The following LRRTM4 variants were observed in gnomAD, a reference collection of about 807,000 sequenced individuals.
LRRTM4 encodes the protein leucine rich repeat transmembrane neuronal 4, also known as leucine-rich repeat transmembrane neuronal protein 4.
Under a neutral mutation model 47.6 loss-of-function variants are expected in LRRTM4, and 25 were observed. The ratio of observed to expected loss-of-function variants is 0.53; its 90% CI spans 0.38 to 0.73. The LOEUF (loss-of-function observed/expected upper bound fraction) is 0.73, where lower values mean the gene tolerates loss of function less well. LRRTM4 is among the 30% of genes least tolerant of loss of function. The probability of loss-of-function intolerance (pLI) is 0.00; values close to 1 mark genes in which losing one functional copy is unlikely to be tolerated. For missense variants in LRRTM4, 638 were observed against 713.4 expected (o/e 0.89, Z 1.20); for synonymous variants, 311 against 269.5 (o/e 1.15, Z -1.51).
intron 3 of LRRTM4, among the ~76,000 whole-genome samples, chr2:76,983,015 C>G (rs1385136468): frequency 6.6e-6 from 1 of 151,872 alleles, no homozygotes; most frequent in Non-Finnish European, 1.5e-5. Context: ...GCTCACATAT[C>G]AAATTAAATA....
chr2:77,053,442 C>T (rs907772583), intron 3 of LRRTM4, among the ~76,000 whole-genome samples: 2 of 151,982 alleles, frequency 1.3e-5, no homozygotes, highest in African/African-American at 4.8e-5. Context: ...CTAATAATAA[C>T]AGATCTGTGG....
chr2:77,194,737 G>A (rs1673765485), intron 3 of LRRTM4, among the ~76,000 whole-genome samples: 1 of 152,022 alleles, frequency 6.6e-6, no homozygotes, highest in African/African-American at 2.4e-5. Flanking sequence ...ATGGGTAACA[G>A]GACCTGGGTA....
intron 3 of LRRTM4, among the ~76,000 whole-genome samples, chr2:77,411,548 G>T (rs1489109807): frequency 6.8e-6 from 1 of 146,434 alleles, no homozygotes; most frequent in African/African-American, 2.5e-5. Context: ...CGCCTCCCGG[G>T]TTCACGCCAT....
At chr2:77,080,387 C>G (rs6547120) in intron 3 of LRRTM4, among the ~76,000 whole-genome samples, 2 of 152,280 alleles carry the variant, frequency 1.3e-5, no homozygotes, top group African/African-American at 4.8e-5. Flanking sequence ...CATCCCATAT[C>G]CGACTGAAGT....
At position 77,329,434 on chromosome 2, in the gene LRRTM4, A is replaced by G. The variant is rs190259947; in HGVS notation, c.1551+188884T>C. Among the ~76,000 whole-genome samples the G allele has an allele frequency of 2.6e-3, 401 of 152,292 alleles. 2 individuals are homozygous for G. Among genetic ancestry groups the G allele is most frequent in the African/African-American group, 8.9e-3 (372 of 41,568 alleles). ...AAGAATACTACCATGAACACGTTGG[A>G]AACAAAATCTTATCCTCAAGGAGTT... On this transcript the variant is annotated intron_variant, in intron 3 of 3. Coordinates refer to ENST00000409884, the MANE Select transcript of LRRTM4 (RefSeq NM_001134745.3).
At chr2:76,822,825 C>A (rs1455056817) in intron 3 of LRRTM4, among the ~76,000 whole-genome samples, 3 of 151,346 alleles carry the variant, frequency 2.0e-5, no homozygotes, top group East Asian at 3.9e-4. Flanking sequence ...TTATTACATA[C>A]CTGCCCATTG....
chr2:77,167,368 T>G (rs1020917562), intron 3 of LRRTM4, among the ~76,000 whole-genome samples: 1 of 152,186 alleles, frequency 6.6e-6, no homozygotes, highest in African/African-American at 2.4e-5. Context: ...TGTAAACTAG[T>G]TCAACCATTG....
At chr2:77,151,355 A>G (rs1238456385) in intron 3 of LRRTM4, among the ~76,000 whole-genome samples, 2 of 152,122 alleles carry the variant, frequency 1.3e-5, no homozygotes, top group African/African-American at 4.8e-5. Context: ...GGCAACCCCT[A>G]TTGTATTTAC....
intron 3 of LRRTM4, among the ~76,000 whole-genome samples, chr2:77,297,565 C>A (rs567761695): frequency 1.3e-5 from 2 of 152,238 alleles, no homozygotes; most frequent in African/African-American, 4.8e-5. Flanking sequence ...TATTTCTATG[C>A]CTTTGGACCC....
chr2:76,891,883 CA>C (rs1242342947), intron 3 of LRRTM4, among the ~76,000 whole-genome samples: 1 of 151,032 alleles, frequency 6.6e-6, no homozygotes, highest in Admixed American at 6.6e-5. Context: ...ATTTCAATGA[CA>C]AAAAATGGCA....
chr2:76,769,014 C>T (rs779702493), intron 3 of LRRTM4, among the ~76,000 whole-genome samples: 1 of 152,120 alleles, frequency 6.6e-6, no homozygotes, highest in South Asian at 2.1e-4. Context: ...AGATACCAAA[C>T]GAAGCATCTT....
intron 3 of LRRTM4, among the ~76,000 whole-genome samples, chr2:76,994,056 T>G (rs2104000490): frequency 6.6e-6 from 1 of 151,962 alleles, no homozygotes; most frequent in African/African-American, 2.4e-5. Context: ...AGCTAAACAT[T>G]GGGTACTCGT....
intron 3 of LRRTM4, among the ~76,000 whole-genome samples, chr2:77,006,469 GAGGATT>G (rs1677653776): frequency 6.6e-6 from 1 of 152,150 alleles, no homozygotes; most frequent in Admixed American, 6.6e-5. Flanking sequence ...TTTGGTAGAT[GAGGATT>G]AGAGGAACAA....
chr2:77,383,025 A>G lies in LRRTM4; in HGVS notation c.1551+135293T>C, dbSNP rs73941247. Reference sequence around the variant, plus strand: ...AGTGGTAAATTGCAAAAATTCCCCCAGTTTCTCATGTTATTGCTAACATAT... The same window carrying G: ...AGTGGTAAATTGCAAAAATTCCCCCGGTTTCTCATGTTATTGCTAACATAT... On this transcript the variant is annotated intron_variant, in intron 3 of 3. Transcript: ENST00000409884. Among the ~76,000 whole-genome samples the G allele has an allele frequency of 2.0e-5, 3 of 151,996 alleles. No homozygotes were observed. The East Asian group carries it at 5.8e-4, about 29-fold the overall frequency.
In LRRTM4 at chr2:76,807,382, TTATA is replaced by T. The variant is rs72365054; in HGVS notation, c.1552-58470_1552-58467del. Among the ~76,000 whole-genome samples, 218 of 126,852 alleles carry T rather than the reference TTATA, an allele frequency of 1.7e-3. 6 individuals carry two copies. The highest frequency in any genetic ancestry group is 4.5e-3 in the African/African-American group (150 of 33,562). 83.2% of individuals were successfully genotyped at this position (126,852 alleles called of 152,430 possible). Reference sequence around the variant, plus strand: ...AGAATATGCATTATAAACATTCATTTTATATATATATATATATGTATATACGTAT... The same window carrying T: ...AGAATATGCATTATAAACATTCATTTTATATATATATATGTATATACGTAT... On this transcript the variant is annotated intron_variant, in intron 3 of 3. Coordinates refer to ENST00000409884, the MANE Select transcript of LRRTM4 (RefSeq NM_001134745.3).
At chr2:76,994,503 T>C (rs1224484158) in intron 3 of LRRTM4, among the ~76,000 whole-genome samples, 1 of 151,586 alleles carries the variant, frequency 6.6e-6, no homozygotes, top group African/African-American at 2.4e-5. Context: ...CCATGAGCAA[T>C]AAAATCCCAT....
chr2:76,781,368 A>G (rs997002338), intron 3 of LRRTM4, among the ~76,000 whole-genome samples: 2 of 152,138 alleles, frequency 1.3e-5, no homozygotes, highest in Non-Finnish European at 2.9e-5. Context: ...GCCGCCTTGC[A>G]GTTTGATCTC....
chr2:77,071,979 T>A (rs528462669), intron 3 of LRRTM4, among the ~76,000 whole-genome samples: 1 of 152,304 alleles, frequency 6.6e-6, no homozygotes, highest in South Asian at 2.1e-4. Context: ...TTGGTAAGAC[T>A]CTCTTATTTT....
intron 3 of LRRTM4, among the ~76,000 whole-genome samples, chr2:77,274,671 A>G (rs1676294246): frequency 6.6e-6 from 1 of 152,148 alleles, no homozygotes; most frequent in African/African-American, 2.4e-5. Flanking sequence ...GGTCTCAGAG[A>G]TTTTTTGGCT....
Sources: allele counts gnomAD v4.1 joint callset (sites outside exome capture counted in the v4.1 genomes callset), GRCh38; gene constraint gnomAD v4.1.1; transcripts MANE v1.5; gene names NCBI Gene and HGNC (gene_info 2026-07-23, HGNC 2026-07-21).